Variants in AFF3 observed in about 807,000 individuals in gnomAD.
The protein encoded by AFF3 is ALF transcription elongation factor 3.
A neutral mutation model predicts 129.7 loss-of-function variants in AFF3; 32 were observed. The observed-to-expected ratio is 0.25, with a 90% confidence interval of 0.19 to 0.33. AFF3 has a LOEUF of 0.33. Among genes scored for constraint, AFF3 ranks in the 10% least tolerant of loss-of-function variants. The pLI is 1.00. For missense variants in AFF3, 1,373 were observed against 1,592.0 expected, an observed-to-expected ratio of 0.86 and a Z score of 2.34; for synonymous variants, 644 against 635.4, an observed-to-expected ratio of 1.01 and a Z score of -0.20.
intron 2 of AFF3, among the ~76,000 whole-genome samples, chr2:100,107,852 A>G (rs1305623854): frequency 6.6e-6 from 1 of 152,204 alleles, no homozygotes; most frequent in Non-Finnish European, 1.5e-5. Flanking sequence ...ATGATTTGAT[A>G]GAAGAGAAGC....
At position 99,587,778 on chromosome 2, in the gene AFF3, G is replaced by C. The variant is rs1051721897; in HGVS notation, c.2467-500C>G. On this transcript the variant is annotated intron_variant, in intron 15 of 24. Coordinates refer to ENST00000672756, the MANE Select transcript of AFF3 (RefSeq NM_001386135.1). ...TGTAATCCCAGCACTTTGGGAGGCC[G>C]AGGCAGGCGAATCACGAGGTCAGGA... 5.3e-5 allele frequency among the ~76,000 whole-genome samples: 8 copies of C among 151,666 alleles called. No individual in the cohort carries two copies. In the South Asian group the frequency reaches 1.7e-3, roughly 32 times the overall value.
At chr2:99,614,866 C>G (rs1681262390) in intron 13 of AFF3, among the ~76,000 whole-genome samples, 2 of 152,122 alleles carry the variant, frequency 1.3e-5, no homozygotes, top group African/African-American at 4.8e-5. Flanking sequence ...ATATTGGGAA[C>G]CAAGTTTTAC....
chr2:99,909,772 C>A (rs1463313936), intron 7 of AFF3, among the ~76,000 whole-genome samples: 1 of 152,060 alleles, frequency 6.6e-6, no homozygotes, highest in South Asian at 2.1e-4. Context: ...TCAACTTTCA[C>A]GTAAATTATG....
intron 7 of AFF3, among the ~76,000 whole-genome samples, chr2:99,888,715 T>TC (rs1337571682): frequency 2.0e-5 from 3 of 149,880 alleles, no homozygotes; most frequent in Non-Finnish European, 3.0e-5. Context: ...AACTGTATCT[T>TC]TTTTTTTTTA....
chr2:100,105,976 C>G (rs1691267813), intron 2 of AFF3: 1 of 1,326,516 alleles, frequency 7.5e-7, no homozygotes, highest in Non-Finnish European at 1.0e-6. Context: ...AATGTAAACC[C>G]TGGGTGCAAG....
At chr2:100,024,700 A>T (rs1683896626) in intron 4 of AFF3, among the ~76,000 whole-genome samples, 1 of 152,104 alleles carries the variant, frequency 6.6e-6, no homozygotes, top group Non-Finnish European at 1.5e-5. Flanking sequence ...TTAGTAAATT[A>T]TAGCACTTCG....
chr2:99,994,913 T>C (rs1408697655), intron 7 of AFF3, among the ~76,000 whole-genome samples: 2 of 152,294 alleles, frequency 1.3e-5, no homozygotes, highest in East Asian at 3.9e-4. Context: ...TTATTAGAGC[T>C]GGAGTACCAG....
At chr2:100,108,842 G>A (rs1691414013) in intron 2 of AFF3, among the ~76,000 whole-genome samples, 1 of 150,396 alleles carries the variant, frequency 6.6e-6, no homozygotes, top group African/African-American at 2.4e-5. Context: ...TAGTTGCTGA[G>A]GTTTTATGCT....
intron 7 of AFF3, among the ~76,000 whole-genome samples, chr2:99,892,183 T>C (rs532437614): frequency 1.3e-5 from 2 of 152,322 alleles, no homozygotes; most frequent in East Asian, 3.9e-4. Context: ...GGAAAATATA[T>C]GGGCTCCAAA....
At chr2:100,078,677 T>C (rs75871374) in intron 4 of AFF3, among the ~76,000 whole-genome samples, 1 of 152,248 alleles carries the variant, frequency 6.6e-6, no homozygotes, top group East Asian at 1.9e-4. Flanking sequence ...AAAAGTCAAA[T>C]GAGGAATTAT....
At chr2:99,748,199 A>G (rs1178348399) in intron 9 of AFF3, among the ~76,000 whole-genome samples, 1 of 152,150 alleles carries the variant, frequency 6.6e-6, no homozygotes, top group African/African-American at 2.4e-5. Context: ...TCCTTTCTCC[A>G]AAGGGACCAC....
intron 4 of AFF3, among the ~76,000 whole-genome samples, chr2:100,038,912 C>A (rs537096133): frequency 6.6e-6 from 1 of 151,788 alleles, no homozygotes; most frequent in African/African-American, 2.4e-5. Flanking sequence ...TTAGTAGAGA[C>A]GGGGTTTCAC....
At chr2:99,680,825 G>C (rs1348804852) in intron 11 of AFF3, among the ~76,000 whole-genome samples, 1 of 152,186 alleles carries the variant, frequency 6.6e-6, no homozygotes, top group Non-Finnish European at 1.5e-5. Context: ...GATTTGAACA[G>C]ATAAACTGTT....
At chr2:99,834,417 C>T (rs1576135634) in intron 8 of AFF3, among the ~76,000 whole-genome samples, 1 of 152,320 alleles carries the variant, frequency 6.6e-6, no homozygotes, top group East Asian at 1.9e-4. Flanking sequence ...ATAATGCATC[C>T]TCAGTCAACG....
At chr2:99,881,817 A>T (rs984774175) in intron 7 of AFF3, among the ~76,000 whole-genome samples, 1 of 152,166 alleles carries the variant, frequency 6.6e-6, no homozygotes, top group Non-Finnish European at 1.5e-5. Flanking sequence ...ATGATAAAAG[A>T]AGAAGGTCAT....
chr2:100,036,446 C>T (rs537428261), intron 4 of AFF3, among the ~76,000 whole-genome samples: 2 of 152,008 alleles, frequency 1.3e-5, no homozygotes, highest in Non-Finnish European at 2.9e-5. Flanking sequence ...GGAAAAAATA[C>T]ATTTTATTCC....
chr2:99,827,682 T>C (rs761743352), intron 8 of AFF3, among the ~76,000 whole-genome samples: 13 of 151,854 alleles, frequency 8.6e-5, no homozygotes, highest in Admixed American at 6.6e-4. Context: ...CACACATACA[T>C]ATATACACAT....
intron 7 of AFF3, among the ~76,000 whole-genome samples, chr2:99,953,586 A>C (rs547165533): frequency 5.0e-4 from 76 of 152,342 alleles, no homozygotes; most frequent in Non-Finnish European, 6.8e-4. Context: ...TAACTTCTCA[A>C]ATTCCTCAAA....
rs138956914 is a variant in AFF3, at chr2:99,716,109, G to A, written c.1091+10968C>T. 6.7e-4 allele frequency among the ~76,000 whole-genome samples: 102 copies of A among 152,242 alleles called. 3 individuals are homozygous for A. The East Asian group carries it at 0.019, about 28-fold the overall frequency. On this transcript the variant is annotated intron_variant, in intron 11 of 24. Transcript: ENST00000672756. ...CTTGACTTGAGAGTGGATTTTCAGT[G>A]GTGGTAAATGTGGATTGAGCAAGCA...
Sources: gnomAD v4.1 joint callset for allele counts (sites outside exome capture counted in the v4.1 genomes callset) on GRCh38, gnomAD v4.1.1 for gene constraint, MANE v1.5 for transcripts, NCBI Gene and HGNC (gene_info 2026-07-23, HGNC 2026-07-21) for gene names.